The following FOXP1 variants were observed in gnomAD, a reference collection of about 807,000 sequenced individuals.
FOXP1 encodes the protein forkhead box protein P1.
Under a neutral mutation model 98.2 loss-of-function variants are expected in FOXP1, and 15 were observed. The ratio of observed to expected loss-of-function variants is 0.15; its 90% CI spans 0.10 to 0.24. The LOEUF (loss-of-function observed/expected upper bound fraction) is 0.24. Among genes scored for constraint, FOXP1 ranks in the 10% least tolerant of loss-of-function variants. The probability of loss-of-function intolerance (pLI) is 1.00; values close to 1 mark genes in which losing one functional copy is unlikely to be tolerated. For missense variants in FOXP1, 633 were observed against 848.5 expected, an observed-to-expected ratio of 0.75 and a Z score of 3.15; for synonymous variants, 371 against 314.5, an observed-to-expected ratio of 1.18 and a Z score of -1.90.
At chr3:71,363,534 A>G (rs927572710) in intron 3 of FOXP1, among the ~76,000 whole-genome samples, 2 of 152,208 alleles carry the variant, frequency 1.3e-5, no homozygotes, top group African/African-American at 4.8e-5. Flanking sequence ...ATATTTAAAC[A>G]AGTAGGCAGA....
At chr3:71,176,935 C>T (rs546446638) in intron 6 of FOXP1, among the ~76,000 whole-genome samples, 18 of 151,744 alleles carry the variant, frequency 1.2e-4, no homozygotes, top group Non-Finnish European at 2.5e-4. Flanking sequence ...TGGTGGTGGG[C>T]GCCTGTAGTC....
intron 6 of FOXP1, among the ~76,000 whole-genome samples, chr3:71,186,513 C>A (rs923371062): frequency 1.3e-5 from 2 of 152,152 alleles, no homozygotes; most frequent in Admixed American, 1.3e-4. Context: ...GAGATCGAGA[C>A]CATCCTGGCC....
At position 70,959,207 on chromosome 3, in the gene FOXP1, T is replaced by C. The variant is rs769003630; in HGVS notation, c.*40A>G. 1.9e-6 allele frequency: 3 copies of C among 1,607,170 alleles called. No individual in the cohort carries two copies. Among genetic ancestry groups the C allele is most frequent in the Admixed American group, 3.4e-5 (2 of 59,694 alleles). On this transcript the variant is annotated 3_prime_UTR_variant, in exon 21 of 21. Coordinates refer to ENST00000649528, the MANE Select transcript of FOXP1 (RefSeq NM_001349338.3). The stretch of plus-strand genomic sequence containing the variant: ...TTTGACGTGTTTTTTTTTTTTTCCT[T>C]TTTCCAATCTTCATTCTCGGGGTTG...
intron 6 of FOXP1, among the ~76,000 whole-genome samples, chr3:71,118,014 C>T (rs1008071771): frequency 3.9e-5 from 6 of 152,152 alleles, no homozygotes; most frequent in Non-Finnish European, 5.9e-5. Flanking sequence ...GTGGCAGGCA[C>T]GCATCACTTT....
chr3:71,088,282 C>T (rs1201422707), intron 7 of FOXP1, among the ~76,000 whole-genome samples: 2 of 152,236 alleles, frequency 1.3e-5, no homozygotes, highest in African/African-American at 4.8e-5. Flanking sequence ...CAGAGTCCTT[C>T]CCTGGCCAGC....
chr3:71,451,924 C>T (rs1370496730), intron 3 of FOXP1, among the ~76,000 whole-genome samples: 1 of 152,136 alleles, frequency 6.6e-6, no homozygotes, highest in African/African-American at 2.4e-5. Flanking sequence ...TCCAGGCTAC[C>T]TCTGGGCTAG....
intron 7 of FOXP1, among the ~76,000 whole-genome samples, chr3:71,091,217 C>T (rs1012476960): frequency 1.6e-4 from 24 of 151,790 alleles, no homozygotes; most frequent in African/African-American, 5.6e-4. Context: ...AGCCCAGGCA[C>T]GGTGGCTCAC....
intron 17 of FOXP1, among the ~76,000 whole-genome samples, chr3:70,976,196 G>A (rs1261581279): frequency 6.6e-6 from 1 of 151,700 alleles, no homozygotes; most frequent in African/African-American, 2.4e-5. Context: ...GACCACAGGT[G>A]CATGCCACCA....
chr3:71,568,277 T>G (rs1416399180), intron 2 of FOXP1, among the ~76,000 whole-genome samples: 1 of 152,100 alleles, frequency 6.6e-6, no homozygotes, highest in East Asian at 1.9e-4. Context: ...CCAATTTGAT[T>G]CAGCAATAGA....
intron 11 of FOXP1, among the ~76,000 whole-genome samples, chr3:71,023,261 T>A (rs538802369): frequency 1.3e-5 from 2 of 152,240 alleles, no homozygotes; most frequent in Admixed American, 6.5e-5. Flanking sequence ...TTTGGTCTCA[T>A]GTCCATGTGC....
intron 5 of FOXP1, among the ~76,000 whole-genome samples, chr3:71,287,165 T>A (rs1216349803): frequency 2.6e-5 from 4 of 152,182 alleles, no homozygotes; most frequent in Non-Finnish European, 4.4e-5. Context: ...CAAATGTTTT[T>A]AAATATGCCA....
chr3:71,141,352 T>A (rs2060062105), intron 6 of FOXP1, among the ~76,000 whole-genome samples: 1 of 151,496 alleles, frequency 6.6e-6, no homozygotes, highest in Non-Finnish European at 1.5e-5. Context: ...TCCTTTCCAG[T>A]GACACTGCAT....
At chr3:71,106,628 T>A (rs1333981434) in intron 7 of FOXP1, among the ~76,000 whole-genome samples, 1 of 151,096 alleles carries the variant, frequency 6.6e-6, no homozygotes, top group Non-Finnish European at 1.5e-5. Flanking sequence ...CCGGCCACTT[T>A]TTTTTTTTTT....
Position 71,235,609 on chromosome 3 carries a change from C to T in FOXP1, c.-11-37217G>A, listed in dbSNP as rs140429066. ...TGAAATGGAGTCTCACTCTGTTGCC[C>T]AGGCTGGAGTGCAGTGGTGCAATCT... On this transcript the variant is annotated intron_variant, in intron 5 of 20. Transcript: ENST00000649528. 1.1e-3 allele frequency among the ~76,000 whole-genome samples: 160 copies of T among 152,176 alleles called. 1 individual carries two copies. The highest frequency in any genetic ancestry group is 3.7e-3 in the African/African-American group (154 of 41,522).
At chr3:71,138,501 CTCT>C (rs1294453204) in intron 6 of FOXP1, among the ~76,000 whole-genome samples, 2 of 152,120 alleles carry the variant, frequency 1.3e-5, no homozygotes, top group African/African-American at 4.8e-5. Flanking sequence ...AAGGCAGCTC[CTCT>C]GAGCCTGATA....
At chr3:71,316,014 G>A (rs1463173032) in intron 4 of FOXP1, among the ~76,000 whole-genome samples, 1 of 152,170 alleles carries the variant, frequency 6.6e-6, no homozygotes, top group Non-Finnish European at 1.5e-5. Flanking sequence ...TCCGTTAAGA[G>A]GCAGCAAAGT....
chr3:71,297,664 G>C (rs1308784982), intron 5 of FOXP1, among the ~76,000 whole-genome samples: 3 of 139,010 alleles, frequency 2.2e-5, no homozygotes, highest in Non-Finnish European at 4.5e-5. Context: ...CTCCCAGCCT[G>C]CAGAACAGTG....
At chr3:71,016,398 T>C (rs1053440029) in intron 11 of FOXP1, among the ~76,000 whole-genome samples, 6 of 151,932 alleles carry the variant, frequency 3.9e-5, no homozygotes, top group African/African-American at 1.5e-4. Flanking sequence ...CGGGGAAGAG[T>C]ATCTGTTGCA....
At chr3:71,182,881 A>AC (rs141387298) in intron 6 of FOXP1, among the ~76,000 whole-genome samples, 3,063 of 150,232 alleles carry the variant, frequency 0.02, 107 homozygotes, top group African/African-American at 0.07. Flanking sequence ...CCATTAACAG[A>AC]CCCCCCCAAA....
Sources: allele counts gnomAD v4.1 joint callset (sites outside exome capture counted in the v4.1 genomes callset), GRCh38; gene constraint gnomAD v4.1.1; transcripts MANE v1.5; gene names NCBI Gene and HGNC (gene_info 2026-07-23, HGNC 2026-07-21).